Variants in ZMAT4 observed in about 807,000 individuals in gnomAD.
The protein encoded by ZMAT4 is zinc finger matrin-type 4, also known as zinc finger matrin-type protein 4.
ZMAT4 carries 17 observed loss-of-function variants against 28.7 expected under a neutral mutation model. The ratio of observed to expected loss-of-function variants is 0.59; its 90% CI spans 0.41 to 0.89. ZMAT4 has a LOEUF of 0.89. Ranked by LOEUF, ZMAT4 falls within the 40% of genes least tolerant of loss-of-function variation. ZMAT4 has a pLI of 0.00. For synonymous variants in ZMAT4, 117 were observed against 109.2 expected, an observed-to-expected ratio of 1.07 and a Z score of -0.44; for missense variants, 240 against 283.8, an observed-to-expected ratio of 0.85 and a Z score of 1.11.
In ZMAT4 at chr8:40,785,960, AT is replaced by A. The variant is rs533877662; in HGVS notation, c.103-18231del. Among the ~76,000 whole-genome samples the A allele has an allele frequency of 4.7e-3, 715 of 151,578 alleles. 2 individuals are homozygous for A. The highest frequency in any genetic ancestry group is 0.016 in the African/African-American group (668 of 41,302). ...ATAAGGGTGGAAAACGATGACCATT[AT>A]TTTTTTTTAAAGGAGAGAGGGTTTA... is the stretch of plus-strand genomic sequence containing the variant. On this transcript the variant is annotated intron_variant, in intron 2 of 6. Transcript: ENST00000297737.
chr8:40,707,189 C>T (rs1810393909), intron 3 of ZMAT4, among the ~76,000 whole-genome samples: 3 of 151,740 alleles, frequency 2.0e-5, no homozygotes, highest in African/African-American at 2.4e-5. Flanking sequence ...TGCTTCCTCA[C>T]TCCCACAGAA....
At position 40,734,169 on chromosome 8, in the gene ZMAT4, A is replaced by G. The variant is rs574095490; in HGVS notation, c.192+33472T>C. Among the ~76,000 whole-genome samples, 5 of 152,308 alleles carry G rather than the reference A, an allele frequency of 3.3e-5. No homozygotes were observed. The South Asian group carries it at 1.0e-3, about 32-fold the overall frequency. On this transcript the variant is annotated intron_variant, in intron 3 of 6. Transcript: ENST00000297737. ...ACATGGCAGTTATTTCTCAATAGGC[A>G]CACGTTTGGCATTTTAGATGGGACT... is the stretch of plus-strand genomic sequence containing the variant.
chr8:40,855,691 T>C (rs954654631), intron 1 of ZMAT4, among the ~76,000 whole-genome samples: 13 of 151,852 alleles, frequency 8.6e-5, no homozygotes, highest in Non-Finnish European at 1.3e-4. Context: ...TTTTTTTTTT[T>C]TTTTGAGACA....
intron 5 of ZMAT4, among the ~76,000 whole-genome samples, chr8:40,607,636 G>T (rs1180155046): frequency 2.0e-5 from 3 of 152,020 alleles, no homozygotes; most frequent in African/African-American, 7.3e-5. Flanking sequence ...TGTTTTTCTG[G>T]TTCCTTCTCA....
At chr8:40,767,832 G>T in intron 2 of ZMAT4, 102 bp from the exon 3 acceptor site, 1 of 909,886 alleles carries the variant, frequency 1.1e-6, no homozygotes, top group Non-Finnish European at 1.6e-6. Flanking sequence ...TGTATTTTCA[G>T]TAGAAGACAC....
At chr8:40,790,497 A>G (rs1814278509) in intron 2 of ZMAT4, among the ~76,000 whole-genome samples, 1 of 152,218 alleles carries the variant, frequency 6.6e-6, no homozygotes, top group Non-Finnish European at 1.5e-5. Flanking sequence ...TTTAAATTTT[A>G]AAGAATAACA....
chr8:40,807,402 C>T (rs1815133155), intron 2 of ZMAT4, among the ~76,000 whole-genome samples: 1 of 152,084 alleles, frequency 6.6e-6, no homozygotes, highest in South Asian at 2.1e-4. Flanking sequence ...TGAGATTGTG[C>T]CACTGTACTC....
intron 1 of ZMAT4, among the ~76,000 whole-genome samples, chr8:40,891,272 A>AGGGGGACGGGGGGAG (rs1818673754): frequency 1.0e-5 from 1 of 98,016 alleles, no homozygotes; most frequent in East Asian, 3.8e-4. Flanking sequence ...GGGAGGGGGA[A>AGGGGGACGGGGGGAG]GGGGAAATTG....
chr8:40,880,823 T>G (rs541213637), intron 1 of ZMAT4, among the ~76,000 whole-genome samples: 1 of 152,180 alleles, frequency 6.6e-6, no homozygotes, highest in Non-Finnish European at 1.5e-5. Flanking sequence ...CTCTGAACTA[T>G]AGTAAATTTA....
chr8:40,707,725 A>T (rs1028318668), intron 3 of ZMAT4, among the ~76,000 whole-genome samples: 1 of 152,166 alleles, frequency 6.6e-6, no homozygotes. Flanking sequence ...ATATTATCTC[A>T]TTTCATTTAC....
At chr8:40,636,621 G>A (rs761193078) in intron 5 of ZMAT4, among the ~76,000 whole-genome samples, 3 of 152,184 alleles carry the variant, frequency 2.0e-5, no homozygotes, top group Non-Finnish European at 4.4e-5. Flanking sequence ...GAGAGAAACA[G>A]GGTGACAATC....
At chr8:40,577,288 T>C (rs993338582) in intron 6 of ZMAT4, among the ~76,000 whole-genome samples, 4 of 152,200 alleles carry the variant, frequency 2.6e-5, no homozygotes, top group Non-Finnish European at 5.9e-5. Context: ...TGTCCATCAA[T>C]AGATGAATGG....
chr8:40,845,294 A>T (rs1816844946), intron 1 of ZMAT4, among the ~76,000 whole-genome samples: 1 of 152,186 alleles, frequency 6.6e-6, no homozygotes, highest in South Asian at 2.1e-4. Flanking sequence ...AGGCATCTTC[A>T]TTATTATTTT....
intron 2 of ZMAT4, among the ~76,000 whole-genome samples, chr8:40,820,190 G>C (rs927974066): frequency 6.6e-6 from 1 of 151,078 alleles, no homozygotes; most frequent in Non-Finnish European, 1.5e-5. Context: ...GTGTGTGGGC[G>C]GGTGTGTATG....
At chr8:40,796,944 C>G (rs757283836) in intron 2 of ZMAT4, among the ~76,000 whole-genome samples, 15 of 152,176 alleles carry the variant, frequency 9.9e-5, no homozygotes, top group Non-Finnish European at 1.9e-4. Context: ...GGCTAACTGG[C>G]CCCTCCTTAG....
intron 5 of ZMAT4, among the ~76,000 whole-genome samples, chr8:40,622,460 G>A (rs185768176): frequency 3.3e-5 from 5 of 152,312 alleles, no homozygotes; most frequent in South Asian, 4.1e-4. Flanking sequence ...AATTAGCTCT[G>A]CCCTAAACCA....
intron 4 of ZMAT4, among the ~76,000 whole-genome samples, chr8:40,685,322 A>G (rs1210685647): frequency 6.6e-6 from 1 of 152,122 alleles, no homozygotes; most frequent in Non-Finnish European, 1.5e-5. Flanking sequence ...CCCCTACACC[A>G]CTGCTTCTCC....
chr8:40,887,037 G>T (rs189305285), intron 1 of ZMAT4, among the ~76,000 whole-genome samples: 2 of 152,010 alleles, frequency 1.3e-5, no homozygotes, highest in Non-Finnish European at 2.9e-5. Context: ...CTGGCGTGGT[G>T]GCGGGCGCCT....
chr8:40,756,452 A>ATATATG (rs1387593869), intron 3 of ZMAT4, among the ~76,000 whole-genome samples: 2 of 132,160 alleles, frequency 1.5e-5, no homozygotes, highest in Non-Finnish European at 3.2e-5. Context: ...ATATATATAT[A>ATATATG]TATATACACA....
Sources: gnomAD v4.1 joint callset for allele counts (sites outside exome capture counted in the v4.1 genomes callset) on GRCh38, gnomAD v4.1.1 for gene constraint, MANE v1.5 for transcripts, NCBI Gene and HGNC (gene_info 2026-07-23, HGNC 2026-07-21) for gene names.